Variants in NALCN observed in about 807,000 individuals in gnomAD.
NALCN encodes the protein sodium leak channel, non-selective.
NALCN carries 111 observed loss-of-function variants against 225.3 expected under a neutral mutation model. The observed-to-expected ratio is 0.49, with a 90% confidence interval of 0.42 to 0.58. The LOEUF is 0.58. NALCN is among the 20% of genes least tolerant of loss of function. NALCN has a pLI of 0.00. For missense variants in NALCN, 1,378 were observed against 2,202.4 expected (o/e 0.63, Z 7.49); for synonymous variants, 764 against 769.0 (o/e 0.99, Z 0.11).
chr13:101,161,348 C>T, intron 15 of NALCN, among the ~76,000 whole-genome samples: 1 of 152,166 alleles, frequency 6.6e-6, no homozygotes, highest in East Asian at 1.9e-4. Context: ...ATGAACGTTT[C>T]CCCCAAATAC....
chr13:101,264,045 T>C (rs185549384), intron 10 of NALCN, among the ~76,000 whole-genome samples: 1 of 152,240 alleles, frequency 6.6e-6, no homozygotes, highest in Admixed American at 6.5e-5. Flanking sequence ...TAAAGGAAAA[T>C]GTTAAAGCTG....
rs660622 is a variant in NALCN, at chr13:101,142,809, C to A, written c.2118+271G>T. On this transcript the variant is annotated intron_variant, in intron 17 of 43. Coordinates refer to ENST00000251127, the MANE Select transcript of NALCN (RefSeq NM_052867.4). ...GAGATCCCAGCCCTTTATTCCGCAC[C>A]TGAGAAAATGCAGATTTGGGAGGCT... 0.47 allele frequency: 199,115 copies of A among 420,250 alleles called. 48,265 individuals are homozygous for A. Among genetic ancestry groups the A allele is most frequent in the African/African-American group, 0.53 (26,161 of 49,216 alleles). 26.0% of individuals were successfully genotyped at this position (420,250 alleles called of 1,614,324 possible).
chr13:101,267,829 A>G (rs545478360), intron 10 of NALCN, among the ~76,000 whole-genome samples: 37 of 152,322 alleles, frequency 2.4e-4, no homozygotes, highest in African/African-American at 7.5e-4. Flanking sequence ...AGCAAGAGTT[A>G]GTGTCTGTCC....
chr13:101,294,679 G>A (rs944169392), intron 7 of NALCN, among the ~76,000 whole-genome samples: 1 of 151,360 alleles, frequency 6.6e-6, no homozygotes, highest in African/African-American at 2.4e-5. Context: ...TTTAGTGAGG[G>A]TGGGGGTAGT....
intron 18 of NALCN, among the ~76,000 whole-genome samples, chr13:101,123,845 T>TCTTAGGGGCACTTTCTTTCAGG (rs2036099234): frequency 1.3e-5 from 2 of 152,214 alleles, no homozygotes; most frequent in Non-Finnish European, 2.9e-5. Flanking sequence ...TTCCTAGTAA[T>TCTTAGGGGCACTTTCTTTCAGG]AAATCTAGTA....
chr13:101,249,133 G>A lies in NALCN; in HGVS notation c.1266+9310C>T, dbSNP rs116111640. On this transcript the variant is annotated intron_variant, in intron 11 of 43. Transcript: ENST00000251127. The stretch of plus-strand genomic sequence containing the variant: ...AAGTTATAAATAAACAATATTGGCA[G>A]CAAAAAGGATTATACATTCAGTTTC... 4.8e-3 allele frequency among the ~76,000 whole-genome samples: 725 copies of A among 152,114 alleles called. 8 individuals are homozygous for A. The highest frequency in any genetic ancestry group is 0.016 in the African/African-American group (663 of 41,496).
chr13:101,376,679 G>A, intron 6 of NALCN, 21 bp downstream of exon 6: 3 of 1,577,894 alleles, frequency 1.9e-6, no homozygotes, highest in Non-Finnish European at 2.6e-6. Flanking sequence ...AGATTAAAAT[G>A]CAGTTAATAG....
intron 6 of NALCN, among the ~76,000 whole-genome samples, chr13:101,353,151 A>G (rs2045953284): frequency 6.6e-6 from 1 of 152,200 alleles, no homozygotes; most frequent in African/African-American, 2.4e-5. Context: ...ACCCACACAC[A>G]ATCATACATA....
chr13:101,408,992 G>A (rs1259311930), intron 1 of NALCN, among the ~76,000 whole-genome samples: 4 of 152,028 alleles, frequency 2.6e-5, no homozygotes, highest in Admixed American at 6.6e-5. Context: ...AAAACAGCAG[G>A]TTATTTTTCT....
At chr13:101,333,736 T>C (rs7327365) in intron 7 of NALCN, among the ~76,000 whole-genome samples, 19,783 of 152,204 alleles carry the variant, frequency 0.13, 2,259 homozygotes, top group African/African-American at 0.31. Flanking sequence ...TTGCTCCAAC[T>C]GATTAGTTGA....
At chr13:101,080,514 T>G (rs953989639) in intron 34 of NALCN, among the ~76,000 whole-genome samples, 1 of 145,064 alleles carries the variant, frequency 6.9e-6, no homozygotes, top group Non-Finnish European at 1.5e-5. Context: ...TAAGTATAAT[T>G]ACATACATAA....
intron 40 of NALCN, 140 bp downstream of exon 40, chr13:101,065,264 C>T: frequency 1.2e-6 from 1 of 860,080 alleles, no homozygotes; most frequent in Non-Finnish European, 1.8e-6. Flanking sequence ...GCGCCTGGGA[C>T]ATGTGACCCC....
At chr13:101,246,670 A>G (rs530173335) in intron 11 of NALCN, among the ~76,000 whole-genome samples, 2 of 152,296 alleles carry the variant, frequency 1.3e-5, no homozygotes, top group Non-Finnish European at 2.9e-5. Flanking sequence ...GAAGAAACCT[A>G]TTTACTTGAA....
chr13:101,411,570 A>G (rs113519202), intron 1 of NALCN, among the ~76,000 whole-genome samples: 3,407 of 152,064 alleles, frequency 0.022, 113 homozygotes, highest in East Asian at 0.11. Context: ...CGCTGGTCTC[A>G]AACTCCTGAC....
chr13:101,272,165 T>C (rs888678814), intron 10 of NALCN, among the ~76,000 whole-genome samples: 1 of 152,130 alleles, frequency 6.6e-6, no homozygotes, highest in Non-Finnish European at 1.5e-5. Context: ...TGAGCCTGTA[T>C]GAGTGTGTGT....
chr13:101,092,498 G>C (rs2034286486), intron 28 of NALCN, among the ~76,000 whole-genome samples: 1 of 152,194 alleles, frequency 6.6e-6, no homozygotes, highest in Non-Finnish European at 1.5e-5. Flanking sequence ...CCTATGCCTA[G>C]ACTTTCCTCC....
chr13:101,156,584 G>T (rs896744533), intron 15 of NALCN, among the ~76,000 whole-genome samples: 1 of 151,888 alleles, frequency 6.6e-6, no homozygotes, highest in South Asian at 2.1e-4. Context: ...CTTAAAATAA[G>T]CTGAGTTCTT....
At chr13:101,350,609 C>A (rs2045880299) in intron 6 of NALCN, among the ~76,000 whole-genome samples, 1 of 152,184 alleles carries the variant, frequency 6.6e-6, no homozygotes, top group Non-Finnish European at 1.5e-5. Flanking sequence ...GTCCCTGACA[C>A]AGCGTCTATG....
chr13:101,226,537 C>T (rs1429118899), intron 13 of NALCN, among the ~76,000 whole-genome samples: 1 of 152,296 alleles, frequency 6.6e-6, no homozygotes, highest in East Asian at 1.9e-4. Context: ...TTTTTATTTA[C>T]CCAGTGAAGG....
Sources: gnomAD v4.1 joint callset for allele counts (sites outside exome capture counted in the v4.1 genomes callset) on GRCh38, gnomAD v4.1.1 for gene constraint, MANE v1.5 for transcripts, NCBI Gene and HGNC (gene_info 2026-07-23, HGNC 2026-07-21) for gene names.